The following METTL5 variants were observed in gnomAD, a reference collection of about 807,000 sequenced individuals.
METTL5 encodes the protein methyltransferase 5, N6-adenosine.
METTL5 carries 28 observed loss-of-function variants against 26.5 expected under a neutral mutation model. That is an observed-to-expected ratio of 1.06 (90% CI 0.78 to 1.45). The LOEUF (loss-of-function observed/expected upper bound fraction) is 1.45. Ranked by LOEUF, METTL5 falls within the 40% of genes most tolerant of loss-of-function variation. The probability of loss-of-function intolerance (pLI) is 0.00; values close to 1 mark genes in which losing one functional copy is unlikely to be tolerated. For synonymous variants in METTL5, 86 were observed against 82.6 expected (o/e 1.04, Z -0.22); for missense variants, 231 against 249.9 (o/e 0.92, Z 0.51).
chr2:169,820,789 C>T (rs59995027), intron 3 of METTL5, among the ~76,000 whole-genome samples: 4,693 of 152,196 alleles, frequency 0.031, 72 homozygotes, highest in Middle Eastern at 0.061. Context: ...CATGGCTCAT[C>T]GCAGCCCCGA....
chr2:169,821,636 T>A (rs773641849), intron 2 of METTL5, among the ~76,000 whole-genome samples: 1 of 152,196 alleles, frequency 6.6e-6, no homozygotes, highest in Non-Finnish European at 1.5e-5. Flanking sequence ...TCTGTCCACC[T>A]TGGCCTCCCA....
intron 6 of METTL5, chr2:169,812,091 G>A: frequency 1.7e-6 from 1 of 591,458 alleles, no homozygotes; most frequent in South Asian, 2.3e-5. Flanking sequence ...TTTTCTTTTT[G>A]TACCCAAAGC....
rs750898199 is a variant in METTL5, at chr2:169,811,805, T to A, written c.*15A>T. 9.9e-6 allele frequency: 16 copies of A among 1,613,738 alleles called. No homozygotes were observed. The highest frequency in any genetic ancestry group is 1.3e-5 in the Non-Finnish European group (15 of 1,179,800). Reference sequence around the variant, plus strand: ...ATTTTAAATAGGTTTTAAACGACTTTTGTTTGCGGGGCTTTTAAAAGGAAA... The same window carrying A: ...ATTTTAAATAGGTTTTAAACGACTTATGTTTGCGGGGCTTTTAAAAGGAAA... On this transcript the variant is annotated 3_prime_UTR_variant, in exon 7 of 7. Transcript: ENST00000260953.
chr2:169,820,528 T>C (rs1371233598), intron 3 of METTL5, among the ~76,000 whole-genome samples: 1 of 152,220 alleles, frequency 6.6e-6, no homozygotes, highest in Non-Finnish European at 1.5e-5. Context: ...TACAAATTTG[T>C]AAAAATGAAA....
chr2:169,812,537 T>C (rs770214849), intron 5 of METTL5, 31 bp from the exon 6 acceptor site: 5 of 1,609,104 alleles, frequency 3.1e-6, no homozygotes, highest in East Asian at 2.2e-5. Flanking sequence ...AAGGATAAAA[T>C]TGTATTTCCA....
At position 169,819,640 on chromosome 2, in the gene METTL5, G is replaced by C; in HGVS notation, c.410C>G (p.Thr137Arg). ...AGCAGTCTTTAGAAAAGCCATATCT[G>C]TCCCTGTGAAGAGTAGAAAAAAAGC... ...PPFGTKNNKG[T>R]DMAFLKTALE... Residue 137 changes from threonine (T) to arginine (R), a missense_variant, in exon 4 of 7, where the codon ACA becomes AGA. Transcript: ENST00000260953. The C allele has an allele frequency of 6.2e-7, 1 of 1,610,422 alleles. No individual in the cohort carries two copies. The highest frequency in any genetic ancestry group is 1.1e-5 in the South Asian group (1 of 90,822).
chr2:169,823,907 TG>T (rs1180214159), intron 1 of METTL5, among the ~76,000 whole-genome samples: 2 of 152,242 alleles, frequency 1.3e-5, no homozygotes, highest in Admixed American at 6.5e-5. Flanking sequence ...TATTCTCTCT[TG>T]TACTCCCAGT....
At chr2:169,816,984 C>T (rs1394614090) in intron 4 of METTL5, among the ~76,000 whole-genome samples, 1 of 152,104 alleles carries the variant, frequency 6.6e-6, no homozygotes, top group Non-Finnish European at 1.5e-5. Context: ...AAGAAACTAT[C>T]ATGAAAGTGA....
At chr2:169,816,530 T>TA (rs1458932279) in intron 4 of METTL5, among the ~76,000 whole-genome samples, 1 of 152,228 alleles carries the variant, frequency 6.6e-6, no homozygotes, top group Non-Finnish European at 1.5e-5. Flanking sequence ...AGCACCATGC[T>TA]ACCTGACTTC....
chr2:169,815,575 T>C (rs1289085819), intron 4 of METTL5, 47 bp from the exon 5 acceptor site: 1 of 1,419,252 alleles, frequency 7.0e-7, no homozygotes, highest in East Asian at 2.3e-5. Context: ...TAAATAATGA[T>C]TTTTTAAAAT....
chr2:169,815,849 A>C (rs1375138908), intron 4 of METTL5, among the ~76,000 whole-genome samples: 1 of 152,206 alleles, frequency 6.6e-6, no homozygotes, highest in East Asian at 1.9e-4. Flanking sequence ...AAAAATTGCT[A>C]TTGCCTAATG....
In METTL5 at chr2:169,824,554, T is replaced by G. The variant is rs750592427; in HGVS notation, c.44A>C (p.Gln15Pro). 2 of 1,614,222 alleles carry G rather than the reference T, an allele frequency of 1.2e-6. No homozygotes were observed. Among genetic ancestry groups the G allele is most frequent in the East Asian group, 4.5e-5 (2 of 44,884 alleles). Residue 15 changes from glutamine (Q) to proline (P), a missense_variant, in exon 1 of 7, where the codon CAA becomes CCA. By Grantham distance (76) the Gln-to-Pro change is moderately conservative. Transcript: ENST00000260953. ...CTTGGGCTTTTCAAATCCATCCACT[T>G]GTTGCAGGCGACTCTCTAGTTCCTT... ...RLKELESRLQ[Q>P]VDGFEKPKLL... is the part of the protein sequence containing the mutation.
chr2:169,822,683 G>C (rs996272287), intron 1 of METTL5, among the ~76,000 whole-genome samples: 1 of 150,420 alleles, frequency 6.6e-6, no homozygotes, highest in East Asian at 2.0e-4. Flanking sequence ...CTCCCGCCCC[G>C]GCTTTCCAAA....
Position 169,815,591 on chromosome 2 carries a change from T to C in METTL5, c.490-63A>G. The C allele has an allele frequency of 2.4e-6, 3 of 1,246,182 alleles. No homozygotes were observed. In the South Asian group the frequency reaches 4.3e-5, roughly 18 times the overall value. 77.2% of individuals were successfully genotyped at this position (1,246,182 alleles called of 1,614,324 possible). A position where few individuals can be genotyped will look rare whatever the true frequency, so the allele number is the denominator to read the frequency against. ...AAATAATGATTTTTTAAAATTGCTT[T>C]TTACTAATACTTGAGATTGAGTTTT... On this transcript the variant is annotated intron_variant, in intron 4 of 6. Coordinates refer to ENST00000260953, the MANE Select transcript of METTL5 (RefSeq NM_014168.4).
rs1261674935 is a variant in METTL5, at chr2:169,819,643, C to G, written c.407G>C (p.Gly136Ala). 6.2e-7 allele frequency: 1 copy of G among 1,608,418 alleles called. No homozygotes were observed. The highest frequency in any genetic ancestry group is 1.1e-5 in the South Asian group (1 of 90,574). Residue 136 changes from glycine to alanine, a missense_variant and splice_region_variant, in exon 4 of 7, where the codon GGG (glycine) becomes GCG (alanine). Gly to Ala is a moderately conservative substitution (Grantham distance 60). Transcript: ENST00000260953. ...NPPFGTKNNK[G>A]TDMAFLKTAL... is the part of the protein sequence containing the mutation. The stretch of plus-strand genomic sequence containing the variant: ...AGTCTTTAGAAAAGCCATATCTGTC[C>G]CTGTGAAGAGTAGAAAAAAAGCTCC...
Position 169,824,515 on chromosome 2 carries a change from T to C in METTL5, c.83A>G (p.Gln28Arg), listed in dbSNP as rs759513942. The change falls in exon 1 of 7, where the codon CAG (glutamine) becomes CGG (arginine). Residue 28 changes from glutamine (Q) to arginine (R), a missense_variant. Coordinates refer to ENST00000260953, the MANE Select transcript of METTL5 (RefSeq NM_014168.4). ...TGCAATGTGCGGCCTGGTAGGATAC[T>C]GTTCCAGAAGTAGCTTGGGCTTTTC... ...GFEKPKLLLE[Q>R]YPTRPHIAAC... The C allele has an allele frequency of 1.9e-6, 3 of 1,614,208 alleles. No individual in the cohort carries two copies. Among genetic ancestry groups the C allele is most frequent in the South Asian group, 1.1e-5 (1 of 91,086 alleles).
At position 169,824,626 on chromosome 2, in the gene METTL5, T is replaced by G. The variant is rs760625136; in HGVS notation, c.-29A>C. 8 of 1,521,904 alleles carry G rather than the reference T, an allele frequency of 5.3e-6. No homozygotes were observed. Among genetic ancestry groups the G allele is most frequent in the Admixed American group, 3.3e-5 (2 of 59,922 alleles). The allele number at this position is 1,521,904 out of a possible 1,614,324, so 94.3% of individuals were successfully genotyped here. A position where few individuals can be genotyped will look rare whatever the true frequency, so the allele number is the denominator to read the frequency against. On this transcript the variant is annotated 5_prime_UTR_variant, in exon 1 of 7. Transcript: ENST00000260953. Reference sequence around the variant, plus strand: ...GTTTTAAAGTATGGACTCGTAGGGTTTGAAGGCACAGGATCTGCGGAGAAA... The same window carrying G: ...GTTTTAAAGTATGGACTCGTAGGGTGTGAAGGCACAGGATCTGCGGAGAAA...
chr2:169,815,458 G>T lies in METTL5; in HGVS notation c.541+19C>A. The T allele has an allele frequency of 6.4e-7, 1 of 1,566,298 alleles. No individual in the cohort carries two copies. The highest frequency in any genetic ancestry group is 1.2e-5 in the South Asian group (1 of 85,198). On this transcript the variant is annotated intron_variant, in intron 5 of 6. Coordinates refer to ENST00000260953, the MANE Select transcript of METTL5 (RefSeq NM_014168.4). ...TACATGTTGGCCCTTTTGGATATTA[G>T]GATTGAGATTTGTCTTACCTGCTAT...
At chr2:169,814,410 C>T (rs1464533007) in intron 5 of METTL5, among the ~76,000 whole-genome samples, 1 of 123,658 alleles carries the variant, frequency 8.1e-6, no homozygotes, top group Non-Finnish European at 1.6e-5. Flanking sequence ...TCGCTTGAAC[C>T]CGGGAGGTGG....
Sources: allele counts gnomAD v4.1 joint callset (sites outside exome capture counted in the v4.1 genomes callset), GRCh38; gene constraint gnomAD v4.1.1; transcripts MANE v1.5; gene names NCBI Gene and HGNC (gene_info 2026-07-23, HGNC 2026-07-21).